The following SUPT6H variants were observed in gnomAD, a reference collection of about 807,000 sequenced individuals.
SUPT6H encodes the protein SPT6 homolog, histone chaperone and transcription elongation factor, also known as transcription elongation factor SPT6.
Under a neutral mutation model 222.3 loss-of-function variants are expected in SUPT6H, and 11 were observed. The ratio of observed to expected loss-of-function variants is 0.05; its 90% CI spans 0.03 to 0.08. The LOEUF is 0.08. Among genes scored for constraint, SUPT6H ranks in the 10% least tolerant of loss-of-function variants. The probability of loss-of-function intolerance (pLI) is 1.00; values close to 1 mark genes in which losing one functional copy is unlikely to be tolerated. For synonymous variants in SUPT6H, 762 were observed against 801.2 expected (o/e 0.95, Z 0.83); for missense variants, 1,422 against 2,216.0 (o/e 0.64, Z 7.19).
Position 28,701,492 on chromosome 17 carries a change from A to G in SUPT6H, c.5048A>G (p.Gln1683Arg), listed in dbSNP as rs1597725048. 1 of 1,614,176 alleles carries G rather than the reference A, an allele frequency of 6.2e-7. No homozygotes were observed. Among genetic ancestry groups the G allele is most frequent in the Non-Finnish European group, 8.5e-7 (1 of 1,180,036 alleles). ...GGAAAAATGGCGGAGCAGTGGCTGC[A>G]GGAAAAGGAGGCAGAACGGCGGAAA... ...DWGKMAEQWLQEKEAERRKQK... is the reference protein window; with the variant it reads ...DWGKMAEQWLREKEAERRKQK... Residue 1683 changes from glutamine (Q) to arginine (R), a missense_variant, in exon 37 of 37, where the codon CAG (glutamine) becomes CGG (arginine). Gln to Arg is a conservative substitution (Grantham distance 43). Coordinates refer to ENST00000314616, the MANE Select transcript of SUPT6H (RefSeq NM_003170.5).
chr17:28,666,849 G>C (rs927699833), intron 1 of SUPT6H, among the ~76,000 whole-genome samples: 1 of 152,060 alleles, frequency 6.6e-6, no homozygotes, highest in African/African-American at 2.4e-5. Context: ...GAGCCACCGC[G>C]CCCAGCCGAA....
chr17:28,678,817 T>G lies in SUPT6H; in HGVS notation c.1207-4T>G, dbSNP rs776014105. 5 of 1,614,152 alleles carry G rather than the reference T, an allele frequency of 3.1e-6. No homozygotes were observed. The South Asian group carries it at 5.5e-5, about 18-fold the overall frequency. On this transcript the variant is annotated splice_polypyrimidine_tract_variant and splice_region_variant and intron_variant, in intron 10 of 36. Coordinates refer to ENST00000314616, the MANE Select transcript of SUPT6H (RefSeq NM_003170.5). ...GCTCTCATTCCTGCCCTACTTCACC[T>G]TAGTGGACCCAGCTGCGGATCCGTA... is the stretch of plus-strand genomic sequence containing the variant.
Position 28,677,820 on chromosome 17 carries a change from C to T in SUPT6H, c.999+4C>T, listed in dbSNP as rs149289331. ...CACACCAACCATTTCTCTCCAGGTA[C>T]ACAAAAAAGATCCTTAGGTTTTGAC... On this transcript the variant is annotated splice_donor_region_variant and intron_variant, in intron 8 of 36. Transcript: ENST00000314616. 394 of 1,612,222 alleles carry T rather than the reference C, an allele frequency of 2.4e-4. 2 individuals carry two copies. In the East Asian group the frequency reaches 7.8e-3, roughly 32 times the overall value.
intron 20 of SUPT6H, 46 bp from the exon 21 acceptor site, chr17:28,686,608 C>G (rs374950636): frequency 6.4e-7 from 1 of 1,553,164 alleles, no homozygotes; most frequent in African/African-American, 1.4e-5. Flanking sequence ...ATGAGACTGT[C>G]CATCCCTAAG....
chr17:28,700,310 T>C (rs757805455), intron 34 of SUPT6H, 36 bp from the exon 35 acceptor site: 15 of 1,614,032 alleles, frequency 9.3e-6, no homozygotes, highest in East Asian at 6.7e-5. Flanking sequence ...GACTTTCACC[T>C]CTAACATGCC....
chr17:28,678,515 T>C, intron 9 of SUPT6H, 30 bp from the exon 10 acceptor site: 1 of 1,603,846 alleles, frequency 6.2e-7, no homozygotes, highest in Non-Finnish European at 8.5e-7. Context: ...CTGTCTTCTC[T>C]GAGTGACTGC....
intron 1 of SUPT6H, among the ~76,000 whole-genome samples, chr17:28,664,069 C>T (rs2072121447): frequency 6.6e-6 from 1 of 152,018 alleles, no homozygotes; most frequent in African/African-American, 2.4e-5. Flanking sequence ...TCATATTCCT[C>T]TGTCTCTGCA....
In SUPT6H at chr17:28,700,470, G is replaced by A; in HGVS notation, c.4764G>A (p.Gln1588=). 1 of 1,614,202 alleles carries A rather than the reference G, an allele frequency of 6.2e-7. No homozygotes were observed. Among genetic ancestry groups the A allele is most frequent in the Non-Finnish European group, 8.5e-7 (1 of 1,180,044 alleles). Residue 1588 remains glutamine (Q), a synonymous_variant, in exon 35 of 37, where the codon CAG becomes CAA. Coordinates refer to ENST00000314616, the MANE Select transcript of SUPT6H (RefSeq NM_003170.5). ...CCCCAGCCCAGTGGGCCTCCAGCCA[G>A]TACGGCTATGGCGGCAGTGGAGGCG... ...NATPAQWASS[Q]YGYGGSGGGS...
Position 28,676,207 on chromosome 17 carries a change from A to G in SUPT6H, c.674A>G (p.Glu225Gly). 2 of 1,611,580 alleles carry G rather than the reference A, an allele frequency of 1.2e-6. No homozygotes were observed. The highest frequency in any genetic ancestry group is 1.7e-6 in the Non-Finnish European group (2 of 1,178,824). The change falls in exon 7 of 37, where the codon GAA (glutamate) becomes GGA (glycine). Residue 225 changes from glutamate to glycine, a missense_variant. This residue lies in a region of SUPT6H where 389 missense variants were observed against 544.6 expected (regional missense o/e 0.71). Coordinates refer to ENST00000314616, the MANE Select transcript of SUPT6H (RefSeq NM_003170.5). ...EIFGVDFDYDEFEKYNEYDEE... is the reference protein window; with the variant it reads ...EIFGVDFDYDGFEKYNEYDEE... The stretch of plus-strand genomic sequence containing the variant: ...TTCGGTGTGGACTTTGACTATGATG[A>G]ATTTGAGAAATACAATGAGTATGAT...
chr17:28,681,794 T>C, intron 12 of SUPT6H, 88 bp from the exon 13 acceptor site: 1 of 1,160,860 alleles, frequency 8.6e-7, no homozygotes, highest in Non-Finnish European at 1.2e-6. Flanking sequence ...CTTGGCTGGG[T>C]ACCCTTTGAG....
rs564918426 is a variant in SUPT6H, at chr17:28,681,183, G to T, written c.1350-73G>T. On this transcript the variant is annotated intron_variant, in intron 11 of 36. Transcript: ENST00000314616. ...TTGGGATACTGCCTTTTGGGAATTGGACCTCTTGTAGCCAAATTGGGATAT... is the reference window on the plus strand; with the variant it reads ...TTGGGATACTGCCTTTTGGGAATTGTACCTCTTGTAGCCAAATTGGGATAT... 1.1e-4 allele frequency: 167 copies of T among 1,566,120 alleles called. 4 individuals are homozygous for T. The South Asian group carries it at 1.9e-3, about 18-fold the overall frequency.
At chr17:28,696,493 C>T (rs2031920756) in intron 29 of SUPT6H, among the ~76,000 whole-genome samples, 1 of 146,974 alleles carries the variant, frequency 6.8e-6, no homozygotes, top group South Asian at 2.2e-4. Context: ...GCTACTGAGG[C>T]AGGAGAATTG....
chr17:28,687,925 T>A (rs1191248079), intron 23 of SUPT6H, among the ~76,000 whole-genome samples, 166 bp from the exon 24 acceptor site: 3 of 139,060 alleles, frequency 2.2e-5, no homozygotes, highest in Non-Finnish European at 4.7e-5. Context: ...AAAGCAAAAC[T>A]TTTTTTTTTT....
rs150818413 is a variant in SUPT6H at position 28,662,251 on chromosome 17, G to A, written c.-123G>A. The A allele has an allele frequency of 2.9e-3, 576 of 196,146 alleles. 4 individuals are homozygous for A. The highest frequency in any genetic ancestry group is 0.013 in the African/African-American group (543 of 43,112). 12.2% of individuals were successfully genotyped at this position (196,146 alleles called of 1,614,324 possible). On this transcript the variant is annotated 5_prime_UTR_variant, in exon 1 of 37. Coordinates refer to ENST00000314616, the MANE Select transcript of SUPT6H (RefSeq NM_003170.5). ...GTGGCGGCGGAGGGGCCGTGCGGTG[G>A]GTCCGTACTATCTTTTCCCAGTCTC...
In SUPT6H at chr17:28,678,442, G is replaced by C. The variant is rs1182528108; in HGVS notation, c.1117-103G>C. 1.9e-5 allele frequency: 23 copies of C among 1,208,038 alleles called. No homozygotes were observed. In the East Asian group the frequency reaches 4.9e-4, roughly 26 times the overall value. 74.8% of individuals were successfully genotyped at this position (1,208,038 alleles called of 1,614,324 possible). A position where few individuals can be genotyped will look rare whatever the true frequency, so the allele number is the denominator to read the frequency against. ...GAGGGAGGCCAGGCTTCTGACTGTT[G>C]AATTTCCTGGAGCTGTTTCTCCAGG... On this transcript the variant is annotated intron_variant, in intron 9 of 36. Transcript: ENST00000314616.
chr17:28,684,297 G>A (rs918141278), intron 17 of SUPT6H, among the ~76,000 whole-genome samples: 1 of 152,144 alleles, frequency 6.6e-6, no homozygotes, highest in Non-Finnish European at 1.5e-5. Flanking sequence ...ATGCTAACAA[G>A]GCCACAGGGA....
At chr17:28,692,395 G>A (rs1415188609) in intron 27 of SUPT6H, among the ~76,000 whole-genome samples, 1 of 147,476 alleles carries the variant, frequency 6.8e-6, no homozygotes, top group Non-Finnish European at 1.5e-5. Context: ...TACTTTGGGA[G>A]GCTGAGGCAG....
Position 28,686,793 on chromosome 17 carries a change from A to G in SUPT6H, c.2700+4A>G. On this transcript the variant is annotated splice_donor_region_variant and intron_variant, in intron 21 of 36. Transcript: ENST00000314616. ...TATGAACAGCAAGAAGTCAGAGGTA[A>G]TGCTGGAGCCTCACCCTTAGGGCCT... The G allele has an allele frequency of 6.3e-7, 1 of 1,594,804 alleles. No individual in the cohort carries two copies. Among genetic ancestry groups the G allele is most frequent in the South Asian group, 1.1e-5 (1 of 87,300 alleles).
chr17:28,662,619 T>A (rs934385211), intron 1 of SUPT6H, among the ~76,000 whole-genome samples: 1 of 152,044 alleles, frequency 6.6e-6, no homozygotes. Context: ...CTCCGCAGGT[T>A]TTTAAAACTG....
Sources: allele counts gnomAD v4.1 joint callset (sites outside exome capture counted in the v4.1 genomes callset), GRCh38; gene constraint gnomAD v4.1.1; regional missense constraint gnomAD v4.1.1; transcripts MANE v1.5; gene names NCBI Gene and HGNC (gene_info 2026-07-23, HGNC 2026-07-21).